CNTN6: variants seen among roughly 807,000 people sequenced by gnomAD.
The protein encoded by CNTN6 is contactin 6.
CNTN6 carries 137 observed loss-of-function variants against 122.8 expected under a neutral mutation model. The observed-to-expected ratio is 1.12, with a 90% CI of 0.97 to 1.29. CNTN6 has a LOEUF of 1.29. CNTN6 is among the 50% of genes most tolerant of loss of function. CNTN6 has a pLI of 0.00. For missense variants in CNTN6, 1,634 were observed against 1,223.4 expected (o/e 1.34, Z -5.01); for synonymous variants, 570 against 426.0 (o/e 1.34, Z -4.16).
intron 4 of CNTN6, among the ~76,000 whole-genome samples, chr3:1,242,187 G>A (rs924573966): frequency 1.3e-5 from 2 of 152,196 alleles, no homozygotes; most frequent in Non-Finnish European, 2.9e-5. Flanking sequence ...CAGCAGTACA[G>A]CCTTGGTAAT....
chr3:1,174,709 T>C (rs1229882664), intron 2 of CNTN6, among the ~76,000 whole-genome samples: 1 of 152,192 alleles, frequency 6.6e-6, no homozygotes, highest in African/African-American at 2.4e-5. Flanking sequence ...ACATGCTCAC[T>C]TCTGTGTCCC....
chr3:1,152,408 G>C (rs2092866040), intron 2 of CNTN6, among the ~76,000 whole-genome samples: 2 of 152,080 alleles, frequency 1.3e-5, no homozygotes, highest in Admixed American at 1.3e-4. Context: ...CAAAGTGCTA[G>C]GATTACAGGC....
chr3:1,179,163 T>C (rs1478953042), intron 2 of CNTN6, among the ~76,000 whole-genome samples: 2 of 151,980 alleles, frequency 1.3e-5, no homozygotes, highest in Non-Finnish European at 2.9e-5. Context: ...AACAACCAAA[T>C]CTTGCATAAA....
intron 2 of CNTN6, among the ~76,000 whole-genome samples, chr3:1,193,348 T>TAA: frequency 6.6e-6 from 1 of 152,244 alleles, no homozygotes; most frequent in South Asian, 2.1e-4. Context: ...ACATCAAAAA[T>TAA]AAGAGTTTCA....
intron 12 of CNTN6, 77 bp from the exon 13 acceptor site, chr3:1,372,222 A>G: frequency 9.0e-7 from 1 of 1,111,814 alleles, no homozygotes; most frequent in Admixed American, 2.7e-5. Flanking sequence ...TGAATGATAA[A>G]GTATTCAGAA....
intron 20 of CNTN6, among the ~76,000 whole-genome samples, chr3:1,386,201 T>C (rs1203939008): frequency 1.3e-5 from 2 of 151,922 alleles, no homozygotes; most frequent in Admixed American, 6.5e-5. Flanking sequence ...TTGTTCAAGA[T>C]TGAAAGAGAT....
At chr3:1,233,201 G>A (rs2094374937) in intron 4 of CNTN6, among the ~76,000 whole-genome samples, 1 of 152,168 alleles carries the variant, frequency 6.6e-6, no homozygotes, top group African/African-American at 2.4e-5. Flanking sequence ...TGTGTACGGT[G>A]TTAATTTATG....
intron 4 of CNTN6, among the ~76,000 whole-genome samples, chr3:1,257,326 T>C (rs1310287857): frequency 6.6e-6 from 1 of 152,178 alleles, no homozygotes; most frequent in African/African-American, 2.4e-5. Flanking sequence ...GTTTTTATGA[T>C]ACAGAAATTT....
intron 4 of CNTN6, among the ~76,000 whole-genome samples, chr3:1,268,591 A>G (rs1251325830): frequency 2.5e-5 from 3 of 122,266 alleles, no homozygotes; most frequent in Non-Finnish European, 4.9e-5. Flanking sequence ...TGGGCGACAG[A>G]GCGAGACTCC....
intron 2 of CNTN6, among the ~76,000 whole-genome samples, chr3:1,159,801 A>C (rs181543128): frequency 1.9e-4 from 28 of 150,538 alleles, no homozygotes; most frequent in African/African-American, 6.7e-4. Context: ...ATCTGTGTTC[A>C]ATGTAATCAT....
chr3:1,139,577 ATT>A (rs1171965770), intron 1 of CNTN6, among the ~76,000 whole-genome samples: 2 of 152,148 alleles, frequency 1.3e-5, no homozygotes, highest in Admixed American at 6.6e-5. Flanking sequence ...CCCTAAAAAT[ATT>A]GTTTTAAAAA....
chr3:1,166,815 A>G (rs1400232277), intron 2 of CNTN6, among the ~76,000 whole-genome samples: 2 of 152,184 alleles, frequency 1.3e-5, no homozygotes, highest in Non-Finnish European at 2.9e-5. Context: ...GTTCTCACTC[A>G]TAAGTGGGAG....
intron 12 of CNTN6, among the ~76,000 whole-genome samples, chr3:1,358,822 G>T (rs1707021573): frequency 6.6e-6 from 1 of 151,984 alleles, no homozygotes; most frequent in Non-Finnish European, 1.5e-5. Context: ...TGTAATCCCA[G>T]CACTTTGAAA....
chr3:1,204,980 T>G, intron 2 of CNTN6, among the ~76,000 whole-genome samples: 1 of 152,136 alleles, frequency 6.6e-6, no homozygotes, highest in South Asian at 2.1e-4. Flanking sequence ...GAATTGAGGT[T>G]GCTAATAAAG....
At chr3:1,168,176 G>A (rs1321689145) in intron 2 of CNTN6, among the ~76,000 whole-genome samples, 1 of 151,960 alleles carries the variant, frequency 6.6e-6, no homozygotes, top group African/African-American at 2.4e-5. Flanking sequence ...CCAAAGTGCT[G>A]GGACTACAGG....
chr3:1,314,681 G>A (rs1699848582), intron 7 of CNTN6, among the ~76,000 whole-genome samples: 1 of 152,004 alleles, frequency 6.6e-6, no homozygotes, highest in African/African-American at 2.4e-5. Flanking sequence ...TGCTCCCTTT[G>A]TAAAAGCATA....
intron 1 of CNTN6, among the ~76,000 whole-genome samples, chr3:1,099,215 G>T (rs1291564320): frequency 1.3e-5 from 2 of 152,114 alleles, no homozygotes; most frequent in Non-Finnish European, 2.9e-5. Flanking sequence ...ACTTTGGGAG[G>T]CCGAGGCGGG....
At chr3:1,208,132 C>T (rs1047640536) in intron 2 of CNTN6, among the ~76,000 whole-genome samples, 1 of 152,088 alleles carries the variant, frequency 6.6e-6, no homozygotes, top group African/African-American at 2.4e-5. Context: ...GTTTCTCTTT[C>T]CCTATCCTTC....
At chr3:1,097,367 A>G (rs2090585739) in intron 1 of CNTN6, among the ~76,000 whole-genome samples, 1 of 152,254 alleles carries the variant, frequency 6.6e-6, no homozygotes, top group Non-Finnish European at 1.5e-5. Context: ...TATTAGGTTT[A>G]CAATTAAATG....
Sources: gnomAD v4.1 joint callset for allele counts (sites outside exome capture counted in the v4.1 genomes callset) on GRCh38, gnomAD v4.1.1 for gene constraint, MANE v1.5 for transcripts, NCBI Gene and HGNC (gene_info 2026-07-23, HGNC 2026-07-21) for gene names.